KSR2: variants seen among roughly 807,000 people sequenced by gnomAD.
KSR2 encodes the protein kinase suppressor of ras 2.
KSR2 carries 25 observed loss-of-function variants against 107.8 expected under a neutral mutation model. The observed-to-expected ratio is 0.23, with a 90% confidence interval of 0.17 to 0.32. The LOEUF (loss-of-function observed/expected upper bound fraction) is 0.32. Among genes scored for constraint, KSR2 ranks in the 10% least tolerant of loss-of-function variants. The probability of loss-of-function intolerance (pLI) is 1.00; values close to 1 mark genes in which losing one functional copy is unlikely to be tolerated. For missense variants in KSR2, 887 were observed against 1,268.9 expected (o/e 0.70, Z 4.57); for synonymous variants, 480 against 507.0 (o/e 0.95, Z 0.71).
chr12:117,558,372 G>C (rs920395886), intron 8 of KSR2, 134 bp downstream of exon 8: 7 of 662,948 alleles, frequency 1.1e-5, no homozygotes, highest in Non-Finnish European at 1.9e-5. Context: ...GGGCGTCAGA[G>C]AGAAAGAAAC....
intron 5 of KSR2, among the ~76,000 whole-genome samples, chr12:117,612,099 A>G (rs1881635097): frequency 1.3e-5 from 2 of 152,202 alleles, no homozygotes; most frequent in African/African-American, 4.8e-5. Context: ...TGTACTCTAA[A>G]AAATGGTTAA....
intron 1 of KSR2, among the ~76,000 whole-genome samples, chr12:117,959,863 C>T (rs1438233510): frequency 2.7e-5 from 4 of 150,500 alleles, no homozygotes; most frequent in Admixed American, 6.7e-5. Context: ...CCTGGGAGGT[C>T]GAGGCTTCAG....
chr12:117,726,858 A>T (rs924446974), intron 4 of KSR2, among the ~76,000 whole-genome samples: 30 of 152,336 alleles, frequency 2.0e-4, no homozygotes, highest in Admixed American at 5.9e-4. Context: ...AAAAACTTGT[A>T]CAAGAATGTT....
At chr12:117,771,955 A>G (rs561310) in intron 3 of KSR2, among the ~76,000 whole-genome samples, 6 of 140,306 alleles carry the variant, frequency 4.3e-5, no homozygotes, top group African/African-American at 1.6e-4. Context: ...ACACCATTCC[A>G]TCAAAGACGC....
In KSR2 at chr12:117,814,242, A is replaced by C. The variant is rs139393027; in HGVS notation, c.472+41186T>G. Among the ~76,000 whole-genome samples, 685 of 152,322 alleles carry C rather than the reference A, an allele frequency of 4.5e-3. 5 individuals are homozygous for C. The highest frequency in any genetic ancestry group is 0.016 in the African/African-American group (657 of 41,574). On this transcript the variant is annotated intron_variant, in intron 3 of 19. Transcript: ENST00000339824. Reference sequence around the variant, plus strand: ...TTAACAATAATATATACAGTTAATAATAAATAGCTAGAAGAGAGATTGAAT... The same window carrying C: ...TTAACAATAATATATACAGTTAATACTAAATAGCTAGAAGAGAGATTGAAT...
intron 4 of KSR2, among the ~76,000 whole-genome samples, chr12:117,702,182 T>C (rs1000836338): frequency 2.6e-5 from 4 of 152,156 alleles, no homozygotes; most frequent in Non-Finnish European, 4.4e-5. Context: ...TCTATCCTCC[T>C]TCCCCTCAGT....
At chr12:117,883,566 G>T (rs1393701687) in intron 1 of KSR2, among the ~76,000 whole-genome samples, 2 of 152,158 alleles carry the variant, frequency 1.3e-5, no homozygotes, top group Non-Finnish European at 2.9e-5. Context: ...ACCAAAGAAA[G>T]TCTCCCTACA....
intron 5 of KSR2, among the ~76,000 whole-genome samples, chr12:117,612,238 T>C (rs1881644443): frequency 6.6e-6 from 1 of 152,054 alleles, no homozygotes; most frequent in Admixed American, 6.6e-5. Flanking sequence ...ACCTCGTTTC[T>C]ACTGAAATAC....
chr12:117,965,200 T>G (rs915465542), intron 1 of KSR2, among the ~76,000 whole-genome samples: 4 of 152,186 alleles, frequency 2.6e-5, no homozygotes, highest in Non-Finnish European at 4.4e-5. Flanking sequence ...TGAACTCAGA[T>G]GTAATCGCTG....
At chr12:117,763,776 G>A (rs1212314125) in intron 3 of KSR2, among the ~76,000 whole-genome samples, 1 of 152,140 alleles carries the variant, frequency 6.6e-6, no homozygotes, top group African/African-American at 2.4e-5. Flanking sequence ...AGGCTGCTGC[G>A]GGGAAAACTA....
intron 4 of KSR2, among the ~76,000 whole-genome samples, chr12:117,676,970 C>A (rs1217229050): frequency 6.6e-6 from 1 of 152,166 alleles, no homozygotes; most frequent in East Asian, 1.9e-4. Context: ...AATTCTCAAA[C>A]ACACAAAGTC....
At chr12:117,909,865 G>A (rs1338374826) in intron 1 of KSR2, among the ~76,000 whole-genome samples, 3 of 149,700 alleles carry the variant, frequency 2.0e-5, no homozygotes, top group African/African-American at 4.9e-5. Flanking sequence ...TCGAGATCAC[G>A]CCACTGCATT....
At chr12:117,632,785 CGG>C (rs1882872676) in intron 5 of KSR2, among the ~76,000 whole-genome samples, 1 of 152,100 alleles carries the variant, frequency 6.6e-6, no homozygotes, top group Non-Finnish European at 1.5e-5. Flanking sequence ...TGAAAACATG[CGG>C]TATTTGGTTT....
chr12:117,772,634 GCA>G (rs746127783), intron 3 of KSR2, among the ~76,000 whole-genome samples: 16 of 95,860 alleles, frequency 1.7e-4, no homozygotes, highest in African/African-American at 3.3e-4. Context: ...TCCCAAAGAC[GCA>G]CACACACACA....
At chr12:117,741,725 A>G (rs1888228761) in intron 4 of KSR2, among the ~76,000 whole-genome samples, 1 of 152,202 alleles carries the variant, frequency 6.6e-6, no homozygotes, top group Non-Finnish European at 1.5e-5. Context: ...CTATTATTAA[A>G]AATAAAGAAG....
chr12:117,714,070 G>C (rs1054787404), intron 4 of KSR2, among the ~76,000 whole-genome samples: 5 of 152,042 alleles, frequency 3.3e-5, no homozygotes, highest in African/African-American at 4.8e-5. Context: ...ATGGAGTGAG[G>C]GGGGGAGCAG....
intron 5 of KSR2, among the ~76,000 whole-genome samples, chr12:117,606,025 A>C (rs935590672): frequency 5.9e-5 from 9 of 152,124 alleles, no homozygotes; most frequent in African/African-American, 2.2e-4. Flanking sequence ...TAAAAGGAAG[A>C]AGGGCTCTTC....
At chr12:117,654,702 A>G (rs1404416149) in intron 5 of KSR2, among the ~76,000 whole-genome samples, 1 of 152,190 alleles carries the variant, frequency 6.6e-6, no homozygotes, top group Non-Finnish European at 1.5e-5. Context: ...TGACAAAGAA[A>G]TTTGGGGAAG....
chr12:117,772,778 A>G (rs1406689828), intron 3 of KSR2, among the ~76,000 whole-genome samples: 1 of 152,100 alleles, frequency 6.6e-6, no homozygotes, highest in Non-Finnish European at 1.5e-5. Flanking sequence ...ATTCCACCAA[A>G]GACGCACAAG....
Sources: gnomAD v4.1 joint callset for allele counts (sites outside exome capture counted in the v4.1 genomes callset) on GRCh38, gnomAD v4.1.1 for gene constraint, MANE v1.5 for transcripts, NCBI Gene and HGNC (gene_info 2026-07-23, HGNC 2026-07-21) for gene names.